The following SERPINB12 variants were observed in gnomAD, a reference collection of about 807,000 sequenced individuals.
SERPINB12 encodes the protein serpin family B member 12, also known as serpin B12.
Under a neutral mutation model 41.1 loss-of-function variants are expected in SERPINB12, and 57 were observed. The ratio of observed to expected loss-of-function variants is 1.39; its 90% confidence interval spans 1.12 to 1.73. SERPINB12 has a LOEUF of 1.73. Ranked by LOEUF, SERPINB12 falls within the 40% of genes most tolerant of loss-of-function variation. SERPINB12 has a pLI of 0.00. For synonymous variants in SERPINB12, 180 were observed against 181.3 expected (o/e 0.99, Z 0.06); for missense variants, 536 against 501.9 (o/e 1.07, Z -0.65).
rs372788951 is a variant in SERPINB12, at chr18:63,558,442, T to C, written c.259T>C (p.Ser87Pro). 26 of 1,613,660 alleles carry C rather than the reference T, an allele frequency of 1.6e-5. No homozygotes were observed. The African/African-American group carries it at 2.5e-4, about 16-fold the overall frequency. The change falls in exon 3 of 8, where the codon TCT becomes CCT. Residue 87 changes from serine to proline, a missense_variant. Transcript: ENST00000382768. Reference sequence around the variant, plus strand: ...CAAACAAAAAGTGCTGGCTGACAGCTCTCTGGAGGGGCAGAAAAAAACGAC... The same window carrying C: ...CAAACAAAAAGTGCTGGCTGACAGCCCTCTGGAGGGGCAGAAAAAAACGAC... ...SNKQKVLADS[S>P]LEGQKKTTEP... is the part of the protein sequence containing the mutation.
intron 1 of SERPINB12, among the ~76,000 whole-genome samples, chr18:63,552,395 A>G (rs1466675462): frequency 2.0e-5 from 3 of 152,216 alleles, no homozygotes; most frequent in Non-Finnish European, 2.9e-5. Flanking sequence ...AATTGCAACA[A>G]CATAACATAA....
intron 1 of SERPINB12, among the ~76,000 whole-genome samples, chr18:63,548,975 G>A (rs75712884): frequency 0.041 from 6,233 of 152,028 alleles, 431 homozygotes; most frequent in African/African-American, 0.14. Flanking sequence ...AATGTTTATC[G>A]TAGAATTATT....
At chr18:63,561,532 T>C (rs904708868) in intron 5 of SERPINB12, among the ~76,000 whole-genome samples, 2 of 152,194 alleles carry the variant, frequency 1.3e-5, no homozygotes, top group African/African-American at 4.8e-5. Context: ...AGCAATCCCA[T>C]TACTGAGTAT....
the SERPINB12 span, among the ~76,000 whole-genome samples, chr18:63,520,334 T>A: frequency 1.3e-5 from 2 of 151,800 alleles, no homozygotes; most frequent in African/African-American, 4.8e-5. Context: ...CTCAGGCAGG[T>A]TAAGGGTGGG....
At chr18:63,525,234 C>G in the SERPINB12 span, among the ~76,000 whole-genome samples, 1 of 152,066 alleles carries the variant, frequency 6.6e-6, no homozygotes, top group African/African-American at 2.4e-5. Flanking sequence ...CAATAAAGAA[C>G]TCATTTTCTA....
Position 63,550,274 on chromosome 18 carries a change from A to G in SERPINB12, c.-18-5868A>G, listed in dbSNP as rs565926947. Among the ~76,000 whole-genome samples the G allele has an allele frequency of 1.5e-4, 23 of 152,340 alleles. 1 individual carries two copies. In the South Asian group the frequency reaches 4.6e-3, roughly 30 times the overall value. On this transcript the variant is annotated intron_variant, in intron 1 of 7. Transcript: ENST00000382768. ...TGAGCAATTGCCTTTAGACTCAATC[A>G]AACAATAACTTCTTTGTGTGGTGGA...
upstream of SERPINB12, among the ~76,000 whole-genome samples, chr18:63,541,707 G>T (rs1456516014): frequency 1.3e-5 from 2 of 152,108 alleles, no homozygotes; most frequent in Non-Finnish European, 2.9e-5. Flanking sequence ...ATGGGATGGG[G>T]TGGGACAGAG....
chr18:63,530,578 G>A, the SERPINB12 span, among the ~76,000 whole-genome samples: 1 of 152,268 alleles, frequency 6.6e-6, no homozygotes, highest in South Asian at 2.1e-4. Context: ...AAGTCAGGTG[G>A]CTGTCCCACT....
chr18:63,551,854 A>T (rs185598312), intron 1 of SERPINB12, among the ~76,000 whole-genome samples: 1 of 152,270 alleles, frequency 6.6e-6, no homozygotes, highest in African/African-American at 2.4e-5. Context: ...ACTGTTTTCA[A>T]ATTAGTGTCC....
chr18:63,519,295 C>A, the SERPINB12 span, among the ~76,000 whole-genome samples: 1 of 152,172 alleles, frequency 6.6e-6, no homozygotes, highest in Non-Finnish European at 1.5e-5. Context: ...AGACCTTCAA[C>A]AGTGGCTCTG....
intron 5 of SERPINB12, 78 bp from the exon 6 acceptor site, chr18:63,563,900 A>G: frequency 1.5e-6 from 2 of 1,290,440 alleles, no homozygotes; most frequent in Non-Finnish European, 2.1e-6. Flanking sequence ...CTGTCTCAAA[A>G]AAAAAAAAAA....
the SERPINB12 span, among the ~76,000 whole-genome samples, chr18:63,533,662 A>G: frequency 6.6e-6 from 1 of 152,220 alleles, no homozygotes; most frequent in African/African-American, 2.4e-5. Context: ...TTTAGAGATT[A>G]GTTTGCACAA....
At position 63,568,867 on chromosome 18, in the gene SERPINB12, T is replaced by C. The variant is rs1568135326; in HGVS notation, c.*1856T>C. Among the ~76,000 whole-genome samples, 1 of 152,204 alleles carries C rather than the reference T, an allele frequency of 6.6e-6. No homozygotes were observed. The highest frequency in any genetic ancestry group is 1.5e-5 in the Non-Finnish European group (1 of 68,036). Reference sequence around the variant, plus strand: ...CATACAACCTTCTCATTGTTGAAGCTCACTTACGACCTAAAACAATTTGAC... The same window carrying C: ...CATACAACCTTCTCATTGTTGAAGCCCACTTACGACCTAAAACAATTTGAC... On this transcript the variant is annotated 3_prime_UTR_variant, in exon 8 of 8. Transcript: ENST00000382768.
intron 1 of SERPINB12, among the ~76,000 whole-genome samples, chr18:63,548,280 A>G (rs1168181655): frequency 6.6e-6 from 1 of 152,048 alleles, no homozygotes; most frequent in Admixed American, 6.5e-5. Context: ...TACCTTTAAA[A>G]AATTAAAAAT....
Position 63,565,491 on chromosome 18 carries a change from G to C in SERPINB12, c.752G>C (p.Arg251Thr). ...ATGATGACGCAAAAAGGCCTCTACA[G>C]AATTGGCTTCATAGAGGAGGTGAAG... ...VKMMTQKGLY[R>T]IGFIEEVKAQ... Residue 251 changes from arginine to threonine, a missense_variant, in exon 7 of 8, where the codon AGA (arginine) becomes ACA (threonine). Physicochemically the swap from Arg to Thr is moderately conservative, Grantham distance 71 (BLOSUM62 -1). Transcript: ENST00000382768. 1 of 1,614,006 alleles carries C rather than the reference G, an allele frequency of 6.2e-7. No homozygotes were observed. Among genetic ancestry groups the C allele is most frequent in the African/African-American group, 1.3e-5 (1 of 75,030 alleles).
At chr18:63,548,272 C>T (rs930494122) in intron 1 of SERPINB12, among the ~76,000 whole-genome samples, 5 of 151,912 alleles carry the variant, frequency 3.3e-5, no homozygotes, top group African/African-American at 9.7e-5. Flanking sequence ...GAAAAAAATA[C>T]CTTTAAAAAA....
At chr18:63,539,477 G>C (rs991807413), upstream of SERPINB12, among the ~76,000 whole-genome samples, 3 of 152,092 alleles carry the variant, frequency 2.0e-5, no homozygotes, top group Non-Finnish European at 4.4e-5. Flanking sequence ...GAAGGTTCTA[G>C]ATATATGATA....
chr18:63,529,172 T>C, the SERPINB12 span, among the ~76,000 whole-genome samples: 10 of 152,308 alleles, frequency 6.6e-5, no homozygotes, highest in South Asian at 6.2e-4. Context: ...ACATGTGTCT[T>C]AGTAAATTAC....
rs111652019 is a variant in SERPINB12, at chr18:63,548,941, G to A, written c.-19+6449G>A. 4.1e-3 allele frequency among the ~76,000 whole-genome samples: 617 copies of A among 151,882 alleles called. 7 individuals carry two copies. Among genetic ancestry groups the A allele is most frequent in the African/African-American group, 0.014 (596 of 41,498 alleles). ...GATACTCTGAAGAAATAATATGAAG[G>A]GAGATAAAAGCTATATTTATGACAA... On this transcript the variant is annotated intron_variant, in intron 1 of 7. Transcript: ENST00000382768.
Sources: gnomAD v4.1 joint callset for allele counts (sites outside exome capture counted in the v4.1 genomes callset) on GRCh38, gnomAD v4.1.1 for gene constraint, MANE v1.5 for transcripts, NCBI Gene and HGNC (gene_info 2026-07-23, HGNC 2026-07-21) for gene names.